SORCS2: variants seen among roughly 807,000 people sequenced by gnomAD.
The protein encoded by SORCS2 is sortilin related VPS10 domain containing receptor 2, also known as VPS10 domain-containing receptor SorCS2.
Under a neutral mutation model 141.6 loss-of-function variants are expected in SORCS2, and 100 were observed. That is an observed-to-expected ratio of 0.71 (90% CI 0.60 to 0.83). SORCS2 has a LOEUF of 0.83. Among genes scored for constraint, SORCS2 ranks in the 40% least tolerant of loss-of-function variants. The pLI is 0.00. For synonymous variants in SORCS2, 789 were observed against 676.9 expected (o/e 1.17, Z -2.57); for missense variants, 1,646 against 1,560.2 (o/e 1.05, Z -0.93).
chr4:7,534,811 C>T (rs1174681771), intron 3 of SORCS2, among the ~76,000 whole-genome samples: 1 of 152,238 alleles, frequency 6.6e-6, no homozygotes, highest in East Asian at 1.9e-4. Flanking sequence ...GCTTTGTGCC[C>T]TCCATGGCCA....
intron 4 of SORCS2, among the ~76,000 whole-genome samples, chr4:7,649,694 C>T (rs951115781): frequency 3.3e-5 from 5 of 151,956 alleles, no homozygotes; most frequent in East Asian, 1.9e-4. Context: ...TAGGCCCAGG[C>T]GGGCTTCCAG....
chr4:7,336,170 C>T (rs935366460), intron 1 of SORCS2, among the ~76,000 whole-genome samples: 9 of 152,218 alleles, frequency 5.9e-5, no homozygotes, highest in Non-Finnish European at 1.5e-5. Flanking sequence ...GCTGAGGCCC[C>T]GCTGCCCCTG....
At chr4:7,251,003 C>T (rs922331852) in intron 1 of SORCS2, among the ~76,000 whole-genome samples, 2 of 152,234 alleles carry the variant, frequency 1.3e-5, no homozygotes, top group Non-Finnish European at 2.9e-5. Context: ...GAATTCTTGT[C>T]CCTGTCTGCC....
At chr4:7,471,346 C>T (rs1183217885) in intron 2 of SORCS2, among the ~76,000 whole-genome samples, 1 of 152,196 alleles carries the variant, frequency 6.6e-6, no homozygotes, top group African/African-American at 2.4e-5. Context: ...CTCTGTGGTC[C>T]CCTGTGATTA....
At position 7,729,688 on chromosome 4, in the gene SORCS2, G is replaced by C. The variant is rs768860045; in HGVS notation, c.3084G>C (p.Arg1028Ser). The change falls in exon 23 of 27, where the codon AGG becomes AGC. Residue 1028 changes from arginine (R) to serine (S), a missense_variant. Arg to Ser is a moderately radical substitution (Grantham distance 110). Coordinates refer to ENST00000507866, the MANE Select transcript of SORCS2 (RefSeq NM_020777.3). ...YVLLPPPRPTRKRSLSSDKRL... is the reference protein window; with the variant it reads ...YVLLPPPRPTSKRSLSSDKRL... ...TCCTGCCCCCTCCCAGGCCCACAAG[G>C]AAGAGGAGCCTCTCGAGTGATAAGG... 2 of 1,610,510 alleles carry C rather than the reference G, an allele frequency of 1.2e-6. No individual in the cohort carries two copies. Among genetic ancestry groups the C allele is most frequent in the South Asian group, 2.2e-5 (2 of 90,000 alleles).
intron 19 of SORCS2, 45 bp from the exon 20 acceptor site, chr4:7,725,109 C>T (rs1727119212): frequency 6.3e-7 from 1 of 1,592,010 alleles, no homozygotes. Context: ...TGAAATGCCC[C>T]ATGCCCTGAT....
intron 4 of SORCS2, among the ~76,000 whole-genome samples, chr4:7,651,797 C>T (rs1025239244): frequency 6.6e-6 from 1 of 152,222 alleles, no homozygotes; most frequent in African/African-American, 2.4e-5. Flanking sequence ...AAGGGATGGG[C>T]CAGGGCCTGT....
At chr4:7,560,265 G>A (rs1167198601) in intron 3 of SORCS2, among the ~76,000 whole-genome samples, 2 of 152,178 alleles carry the variant, frequency 1.3e-5, no homozygotes, top group Non-Finnish European at 2.9e-5. Context: ...TATTAACTCA[G>A]CTCCTAAAAA....
At chr4:7,545,307 C>T (rs1301691910) in intron 3 of SORCS2, among the ~76,000 whole-genome samples, 1 of 152,142 alleles carries the variant, frequency 6.6e-6, no homozygotes, top group Non-Finnish European at 1.5e-5. Flanking sequence ...ATAGAAAGTG[C>T]AAAGGCCCCC....
intron 3 of SORCS2, among the ~76,000 whole-genome samples, chr4:7,550,189 T>C (rs1036626746): frequency 3.3e-5 from 5 of 150,730 alleles, no homozygotes; most frequent in African/African-American, 1.2e-4. Context: ...CTGCAAATGT[T>C]TGATGGTCAA....
chr4:7,561,902 T>C (rs1043460422), intron 3 of SORCS2, among the ~76,000 whole-genome samples: 2 of 152,142 alleles, frequency 1.3e-5, no homozygotes, highest in Admixed American at 6.5e-5. Context: ...TATCCATCAA[T>C]CTACTCATGC....
At chr4:7,537,905 G>A (rs1021261287) in intron 3 of SORCS2, among the ~76,000 whole-genome samples, 1 of 152,074 alleles carries the variant, frequency 6.6e-6, no homozygotes, top group Non-Finnish European at 1.5e-5. Context: ...AAGATGGATT[G>A]AGCCCAAGAG....
chr4:7,692,171 G>A (rs1242300956), intron 11 of SORCS2, among the ~76,000 whole-genome samples: 1 of 152,228 alleles, frequency 6.6e-6, no homozygotes, highest in Non-Finnish European at 1.5e-5. Context: ...AGGAGGAAAA[G>A]GCGCGTGGGC....
At chr4:7,610,812 A>G (rs1014576378) in intron 3 of SORCS2, among the ~76,000 whole-genome samples, 3 of 152,312 alleles carry the variant, frequency 2.0e-5, no homozygotes, top group African/African-American at 7.2e-5. Context: ...CCGGGAGCCA[A>G]GGTGGGTGGA....
intron 3 of SORCS2, among the ~76,000 whole-genome samples, chr4:7,620,485 G>T (rs1719092706): frequency 6.6e-6 from 1 of 152,212 alleles, no homozygotes; most frequent in African/African-American, 2.4e-5. Flanking sequence ...GGACTGCCTG[G>T]GGGAGGGTGC....
intron 1 of SORCS2, among the ~76,000 whole-genome samples, chr4:7,243,473 G>T (rs1014618725): frequency 2.0e-5 from 3 of 152,148 alleles, no homozygotes; most frequent in Non-Finnish European, 4.4e-5. Flanking sequence ...CTGAGGGAAA[G>T]GTGCGGGGAG....
intron 1 of SORCS2, among the ~76,000 whole-genome samples, chr4:7,275,747 T>G (rs1176655144): frequency 6.6e-6 from 1 of 151,854 alleles, no homozygotes; most frequent in African/African-American, 2.4e-5. Context: ...ACAGTCTGAG[T>G]AAGGAATGGA....
chr4:7,203,277 A>C (rs1008063977), intron 1 of SORCS2, among the ~76,000 whole-genome samples: 1 of 152,248 alleles, frequency 6.6e-6, no homozygotes, highest in Non-Finnish European at 1.5e-5. Flanking sequence ...ATACAAAATT[A>C]GCCGGGCGTG....
Position 7,740,235 on chromosome 4 carries a change from C to G in SORCS2, c.3451C>G (p.Arg1151Gly). ...HSGVVLSINSREMHSYLVS is the reference protein window; with the variant it reads ...HSGVVLSINSGEMHSYLVS ...AGGCGTGGTCCTGAGCATCAACTCCCGAGAGATGCACAGCTACCTGGTGAG... is the reference window on the plus strand; with the variant it reads ...AGGCGTGGTCCTGAGCATCAACTCCGGAGAGATGCACAGCTACCTGGTGAG... Residue 1151 changes from arginine to glycine, a missense_variant, in exon 27 of 27, where the codon CGA (arginine) becomes GGA (glycine). Transcript: ENST00000507866. 1 of 1,609,928 alleles carries G rather than the reference C, an allele frequency of 6.2e-7. No homozygotes were observed. The highest frequency in any genetic ancestry group is 1.1e-5 in the South Asian group (1 of 90,828).
Sources: allele counts gnomAD v4.1 joint callset (sites outside exome capture counted in the v4.1 genomes callset), GRCh38; gene constraint gnomAD v4.1.1; transcripts MANE v1.5; gene names NCBI Gene and HGNC (gene_info 2026-07-23, HGNC 2026-07-21).